The following PRAMEF2 variants were observed in gnomAD, a reference collection of about 807,000 sequenced individuals.
The protein encoded by PRAMEF2 is PRAME family member 2.
A neutral mutation model predicts 38.0 loss-of-function variants in PRAMEF2; 35 were observed. The ratio of observed to expected loss-of-function variants is 0.92; its 90% CI spans 0.70 to 1.22. The LOEUF (loss-of-function observed/expected upper bound fraction) is 1.22. Among genes scored for constraint, PRAMEF2 ranks in the 50% most tolerant of loss-of-function variants. The probability of loss-of-function intolerance (pLI) is 0.00; values close to 1 mark genes in which losing one functional copy is unlikely to be tolerated. For synonymous variants in PRAMEF2, 240 were observed against 232.4 expected (o/e 1.03, Z -0.30); for missense variants, 562 against 553.9 (o/e 1.01, Z -0.15).
Position 12,859,978 on chromosome 1 carries a change from A to G in PRAMEF2, c.573A>G (p.Pro191=), listed in dbSNP as rs150145103. ...CCSKLVNYLT[P]IKYLRKSLKI... ...GTAAGCTGGTCAATTATCTAACGCC[A>G]ATTAAATATCTCAGAAAGTCATTGA... The change falls in exon 3 of 4, where the codon CCA becomes CCG. Residue 191 remains proline (P), a synonymous_variant. Transcript: ENST00000240189. 44 of 1,607,806 alleles carry G rather than the reference A, an allele frequency of 2.7e-5. No homozygotes were observed. The highest frequency in any genetic ancestry group is 8.1e-5 in the African/African-American group (6 of 74,446).
At position 12,858,778 on chromosome 1, in the gene PRAMEF2, G is replaced by T. The variant is rs183468796; in HGVS notation, c.-25-207G>T. On this transcript the variant is annotated intron_variant, in intron 1 of 3. Coordinates refer to ENST00000240189, the MANE Select transcript of PRAMEF2 (RefSeq NM_023014.1). ...AAATTAATGGGTCAATGGTCTCTTT[G>T]ACCCCTCCCTCCTTGGTGTTTGGAA... Among the ~76,000 whole-genome samples, 4 of 149,706 alleles carry T rather than the reference G, an allele frequency of 2.7e-5. 1 individual carries two copies. Among genetic ancestry groups the T allele is most frequent in the Admixed American group, 2.1e-4 (3 of 14,472 alleles).
chr1:12,860,065 G>A lies in PRAMEF2; in HGVS notation c.660G>A (p.Leu220=). Reference sequence around the variant, plus strand: ...TTCACAACACGTGCTGGCCACATCTGATAAGAAAGCTTTATTGTTACCTGA... The same window carrying A: ...TTCACAACACGTGCTGGCCACATCTAATAAGAAAGCTTTATTGTTACCTGA... ...LEIHNTCWPH[L]IRKLYCYLKE... is the part of the protein sequence containing the mutation. Residue 220 remains leucine (L), a synonymous_variant, in exon 3 of 4, where the codon CTG becomes CTA. Coordinates refer to ENST00000240189, the MANE Select transcript of PRAMEF2 (RefSeq NM_023014.1). 6.2e-7 allele frequency: 1 copy of A among 1,606,750 alleles called. No homozygotes were observed. Among genetic ancestry groups the A allele is most frequent in the South Asian group, 1.1e-5 (1 of 90,482 alleles).
Position 12,860,043 on chromosome 1 carries a change from A to G in PRAMEF2, c.638A>G (p.His213Arg), listed in dbSNP as rs3204800. Reference protein sequence around the residue: ...YINSIGELEIHNTCWPHLIRK... With the variant: ...YINSIGELEIRNTCWPHLIRK... ...AATAGTATTGGGGAGCTGGAAATTC[A>G]CAACACGTGCTGGCCACATCTGATA... The change falls in exon 3 of 4, where the codon CAC becomes CGC. Residue 213 changes from histidine to arginine, a missense_variant. Coordinates refer to ENST00000240189, the MANE Select transcript of PRAMEF2 (RefSeq NM_023014.1). 1.1e-5 allele frequency: 17 copies of G among 1,606,600 alleles called. No individual in the cohort carries two copies. Among genetic ancestry groups the G allele is most frequent in the Admixed American group, 3.4e-5 (2 of 58,086 alleles).
At chr1:12,858,048 C>T (rs1487668276) in intron 1 of PRAMEF2, among the ~76,000 whole-genome samples, 1 of 148,152 alleles carries the variant, frequency 6.7e-6, no homozygotes, top group Non-Finnish European at 1.5e-5. Context: ...AATACCATCA[C>T]ACCACTTTTA....
rs561495021 is a variant in PRAMEF2, at chr1:12,858,043, C to T, written c.-26+896C>T. Among the ~76,000 whole-genome samples, 68 of 148,032 alleles carry T rather than the reference C, an allele frequency of 4.6e-4. 4 individuals carry two copies. In the South Asian group the frequency reaches 0.014, roughly 31 times the overall value. On this transcript the variant is annotated intron_variant, in intron 1 of 3. Transcript: ENST00000240189. The stretch of plus-strand genomic sequence containing the variant: ...ATACCTTCCAAATGCTGTGGAATAC[C>T]ATCACACCACTTTTACAGTTCCAGT...
In PRAMEF2 at chr1:12,861,478, G is replaced by A. The variant is rs56145411; in HGVS notation, c.1124G>A (p.Cys375Tyr). The change falls in exon 4 of 4, where the codon TGC becomes TAC. Residue 375 changes from cysteine to tyrosine, a missense_variant. Transcript: ENST00000240189. ...QLSAILPGLS[C>Y]CSQLTTFYFG... ...AGTGCCATCCTGCCTGGCCTGAGCTGCTGCTCCCAGCTCACCACCTTCTAC... is the reference window on the plus strand; with the variant it reads ...AGTGCCATCCTGCCTGGCCTGAGCTACTGCTCCCAGCTCACCACCTTCTAC... 0.23 allele frequency: 359,623 copies of A among 1,539,062 alleles called. 45,668 individuals are homozygous for A. The highest frequency in any genetic ancestry group is 0.38 in the African/African-American group (27,394 of 72,150).
At chr1:12,858,207 AT>A (rs2100387475) in intron 1 of PRAMEF2, among the ~76,000 whole-genome samples, 1 of 149,898 alleles carries the variant, frequency 6.7e-6, no homozygotes, top group East Asian at 2.0e-4. Context: ...AGTAGCTAGG[AT>A]TACAGTCATG....
rs3204801 is a variant in PRAMEF2, at chr1:12,860,049, C to T, written c.644C>T (p.Thr215Met). ...NSIGELEIHN[T>M]CWPHLIRKLY... ...ATTGGGGAGCTGGAAATTCACAACA[C>T]GTGCTGGCCACATCTGATAAGAAAG... Residue 215 changes from threonine (T) to methionine (M), a missense_variant, in exon 3 of 4, where the codon ACG (threonine) becomes ATG (methionine). By Grantham distance (81) the Thr-to-Met change is moderately conservative (BLOSUM62 -1). Transcript: ENST00000240189. 7.5e-6 allele frequency: 12 copies of T among 1,606,430 alleles called. No homozygotes were observed. The highest frequency in any genetic ancestry group is 1.7e-4 in the Middle Eastern group (1 of 6,046).
chr1:12,858,952 G>A (rs1418488108), intron 1 of PRAMEF2, 33 bp from the exon 2 acceptor site: 2 of 1,574,486 alleles, frequency 1.3e-6, no homozygotes, highest in African/African-American at 1.4e-5. Context: ...TTTGCCCTGA[G>A]AGTGATACAT....
intron 1 of PRAMEF2, among the ~76,000 whole-genome samples, chr1:12,857,944 C>A (rs1235170160): frequency 6.8e-6 from 1 of 146,246 alleles, no homozygotes; most frequent in Non-Finnish European, 1.5e-5. Context: ...GGAGATCTGC[C>A]CCCCTCAGAC....
chr1:12,859,340 A>C lies in PRAMEF2; in HGVS notation c.287+44A>C. ...GCTAGTAGATAGGGCTCAGGTGTCC[A>C]GGGAAAGAACAGCAGGGTCAGGCAG... On this transcript the variant is annotated intron_variant, in intron 2 of 3. Transcript: ENST00000240189. 5.6e-6 allele frequency: 9 copies of C among 1,606,612 alleles called. 1 individual carries two copies. The highest frequency in any genetic ancestry group is 6.8e-6 in the Non-Finnish European group (8 of 1,177,118).
At chr1:12,860,899 T>C (rs1310164498) in intron 3 of PRAMEF2, among the ~76,000 whole-genome samples, 1 of 149,654 alleles carries the variant, frequency 6.7e-6, no homozygotes, top group Non-Finnish European at 1.5e-5. Context: ...CCTTGCTGAG[T>C]TGAGTTCTTT....
chr1:12,859,457 G>A (rs548365118), intron 2 of PRAMEF2, among the ~76,000 whole-genome samples, 161 bp downstream of exon 2: 1 of 151,032 alleles, frequency 6.6e-6, no homozygotes, highest in African/African-American at 2.4e-5. Flanking sequence ...CTCAGAGAAA[G>A]GACTGCTCAC....
Position 12,860,243 on chromosome 1 carries a change from T to C in PRAMEF2, c.838T>C (p.Phe280Leu), listed in dbSNP as rs774193461. The C allele has an allele frequency of 8.1e-6, 13 of 1,606,876 alleles. No individual in the cohort carries two copies. Among genetic ancestry groups the C allele is most frequent in the Middle Eastern group, 1.7e-4 (1 of 6,052 alleles). Residue 280 changes from phenylalanine to leucine, a missense_variant, in exon 3 of 4, where the codon TTC becomes CTC. Phe to Leu is a conservative substitution (Grantham distance 22). Transcript: ENST00000240189. ...GCTTAAAATAAAATTGATCACCTTC[T>C]TCAGTGGGCACCTGGAACAGCTGAT... ...QLLKIKLITF[F>L]SGHLEQLIRC...
At chr1:12,860,997 G>A (rs1283865804) in intron 3 of PRAMEF2, among the ~76,000 whole-genome samples, 1 of 149,250 alleles carries the variant, frequency 6.7e-6, no homozygotes, top group Non-Finnish European at 1.5e-5. Flanking sequence ...AGATTTTATG[G>A]CCTTGACCCA....
At chr1:12,858,895 C>T in intron 1 of PRAMEF2, 90 bp from the exon 2 acceptor site, 1 of 1,436,806 alleles carries the variant, frequency 7.0e-7, no homozygotes, top group Non-Finnish European at 9.4e-7. Flanking sequence ...TTTTCTACCT[C>T]TACCAGAGCA....
At chr1:12,858,724 G>A (rs1189455081) in intron 1 of PRAMEF2, among the ~76,000 whole-genome samples, 1 of 149,676 alleles carries the variant, frequency 6.7e-6, no homozygotes, top group East Asian at 2.0e-4. Context: ...CTGTCCAGTG[G>A]TTCTGGGATT....
intron 1 of PRAMEF2, 29 bp from the exon 2 acceptor site, chr1:12,858,956 G>T: frequency 6.3e-7 from 1 of 1,579,072 alleles, no homozygotes; most frequent in Non-Finnish European, 8.6e-7. Context: ...CCCTGAGAGT[G>T]ATACATTCTC....
chr1:12,861,471 C>T lies in PRAMEF2; in HGVS notation c.1117C>T (p.Leu373=). The change falls in exon 4 of 4, where the codon CTG becomes TTG. Residue 373 remains leucine (L), a synonymous_variant. Coordinates refer to ENST00000240189, the MANE Select transcript of PRAMEF2 (RefSeq NM_023014.1). The stretch of plus-strand genomic sequence containing the variant: ...CCAACTCAGTGCCATCCTGCCTGGC[C>T]TGAGCTGCTGCTCCCAGCTCACCAC... ...YSQLSAILPG[L]SCCSQLTTFY... 2 of 1,605,892 alleles carry T rather than the reference C, an allele frequency of 1.2e-6. No homozygotes were observed. Among genetic ancestry groups the T allele is most frequent in the Non-Finnish European group, 1.7e-6 (2 of 1,177,318 alleles).
Sources: allele counts gnomAD v4.1 joint callset (sites outside exome capture counted in the v4.1 genomes callset), GRCh38; gene constraint gnomAD v4.1.1; transcripts MANE v1.5; gene names NCBI Gene and HGNC (gene_info 2026-07-23, HGNC 2026-07-21).